SPOPL: variants seen among roughly 807,000 people sequenced by gnomAD.
SPOPL encodes the protein speckle-type POZ protein-like.
SPOPL carries 23 observed loss-of-function variants against 53.8 expected under a neutral mutation model. The ratio of observed to expected loss-of-function variants is 0.43; its 90% CI spans 0.31 to 0.61. SPOPL has a LOEUF of 0.61. Among genes scored for constraint, SPOPL ranks in the 20% least tolerant of loss-of-function variants. The pLI is 0.12. For synonymous variants in SPOPL, 164 were observed against 149.7 expected (o/e 1.10, Z -0.70); for missense variants, 442 against 466.9 (o/e 0.95, Z 0.49).
chr2:138,525,324 G>A (rs1036448566), intron 1 of SPOPL, among the ~76,000 whole-genome samples: 3 of 152,018 alleles, frequency 2.0e-5, no homozygotes, highest in African/African-American at 4.8e-5. Flanking sequence ...GTCTCCCATC[G>A]GGTTCCTCCC....
At chr2:138,551,260 T>C (rs529370861) in intron 4 of SPOPL, among the ~76,000 whole-genome samples, 11 of 152,194 alleles carry the variant, frequency 7.2e-5, no homozygotes, top group Admixed American at 6.5e-4. Flanking sequence ...TAAAAATGAT[T>C]AATAATATTA....
intron 1 of SPOPL, among the ~76,000 whole-genome samples, chr2:138,534,844 A>G (rs1684893791): frequency 6.6e-6 from 1 of 152,228 alleles, no homozygotes; most frequent in Non-Finnish European, 1.5e-5. Context: ...AACAAGTGAA[A>G]TGATACAATG....
chr2:138,550,829 C>CTCTCTT (rs878950747), intron 3 of SPOPL, 74 bp from the exon 4 acceptor site: 7 of 984,828 alleles, frequency 7.1e-6, no homozygotes, highest in Non-Finnish European at 9.3e-6. Context: ...CTCTCTCTTT[C>CTCTCTT]TCTCTCTCTC....
chr2:138,517,585 A>G (rs1463159080), intron 1 of SPOPL, among the ~76,000 whole-genome samples: 3 of 151,926 alleles, frequency 2.0e-5, no homozygotes, highest in Non-Finnish European at 2.9e-5. Context: ...CTACAAATAC[A>G]AAAGATTAGC....
intron 1 of SPOPL, among the ~76,000 whole-genome samples, chr2:138,514,862 T>C (rs918674349): frequency 6.6e-6 from 1 of 152,170 alleles, no homozygotes; most frequent in South Asian, 2.1e-4. Context: ...CTCTGGAACA[T>C]TGGCTTGATA....
rs559195571 is a variant in SPOPL, at chr2:138,570,683, A to G, written c.*1603A>G. On this transcript the variant is annotated 3_prime_UTR_variant, in exon 11 of 11. Transcript: ENST00000280098. Reference sequence around the variant, plus strand: ...AGATTAAAATTTGTATAATTTGTTTATTTAATGTTTGAATTCAGGACAAAA... The same window carrying G: ...AGATTAAAATTTGTATAATTTGTTTGTTTAATGTTTGAATTCAGGACAAAA... 2 of 152,308 alleles carry G rather than the reference A, an allele frequency of 1.3e-5. No homozygotes were observed. The highest frequency in any genetic ancestry group is 4.8e-5 in the African/African-American group (2 of 41,580). 9.4% of individuals were successfully genotyped at this position (152,308 alleles called of 1,614,324 possible).
chr2:138,567,980 G>C (rs556591733), intron 10 of SPOPL, among the ~76,000 whole-genome samples: 1 of 152,158 alleles, frequency 6.6e-6, no homozygotes, highest in African/African-American at 2.4e-5. Flanking sequence ...GATCATGGAA[G>C]TGGGAGGTAG....
At chr2:138,542,899 C>T (rs1685106179) in intron 1 of SPOPL, among the ~76,000 whole-genome samples, 1 of 152,110 alleles carries the variant, frequency 6.6e-6, no homozygotes, top group South Asian at 2.1e-4. Flanking sequence ...ATGTTTAGCG[C>T]TTCCTTCAGG....
rs62161730 is a variant in SPOPL at position 138,502,815 on chromosome 2, A to T, written c.-61+696A>T. Among the ~76,000 whole-genome samples, 527 of 152,304 alleles carry T rather than the reference A, an allele frequency of 3.5e-3. 2 individuals are homozygous for T. Among genetic ancestry groups the T allele is most frequent in the Middle Eastern group, 0.01 (3 of 294 alleles). Reference sequence around the variant, plus strand: ...ATTCTTTTTGAGTCAATGTATTTGTATATTGATTCAACATAAAAGAAAAGG... The same window carrying T: ...ATTCTTTTTGAGTCAATGTATTTGTTTATTGATTCAACATAAAAGAAAAGG... On this transcript the variant is annotated intron_variant, in intron 1 of 10. Transcript: ENST00000280098.
At chr2:138,541,663 T>C (rs1685075178) in intron 1 of SPOPL, among the ~76,000 whole-genome samples, 2 of 152,316 alleles carry the variant, frequency 1.3e-5, no homozygotes, top group African/African-American at 4.8e-5. Flanking sequence ...TCTATCAATT[T>C]TGTTGATCTT....
intron 1 of SPOPL, among the ~76,000 whole-genome samples, chr2:138,519,412 A>T (rs1684509595): frequency 2.1e-5 from 3 of 143,748 alleles, no homozygotes; most frequent in Non-Finnish European, 3.0e-5. Context: ...TCAATTTCTG[A>T]TTTGTTGGGC....
At chr2:138,523,120 C>T (rs772504319) in intron 1 of SPOPL, among the ~76,000 whole-genome samples, 12 of 152,114 alleles carry the variant, frequency 7.9e-5, no homozygotes, top group Admixed American at 3.3e-4. Context: ...TACCTGAGAC[C>T]GGGCAGTTTA....
chr2:138,532,261 C>T (rs1233466705), intron 1 of SPOPL, among the ~76,000 whole-genome samples: 1 of 152,146 alleles, frequency 6.6e-6, no homozygotes, highest in Non-Finnish European at 1.5e-5. Flanking sequence ...CGCCGTAAGG[C>T]CAACAGAATC....
At chr2:138,531,026 A>G (rs941931318) in intron 1 of SPOPL, among the ~76,000 whole-genome samples, 8 of 151,858 alleles carry the variant, frequency 5.3e-5, no homozygotes, top group African/African-American at 1.9e-4. Flanking sequence ...ACTGAATTTT[A>G]TCAAATGCTT....
rs61206995 is a variant in SPOPL, at chr2:138,572,947, C to A, written c.*3867C>A. 5.1e-3 allele frequency: 774 copies of A among 152,436 alleles called. 8 individuals carry two copies. The highest frequency in any genetic ancestry group is 0.017 in the African/African-American group (707 of 41,518). The allele number at this position is 152,436 out of a possible 1,614,324, so 9.4% of individuals were successfully genotyped here. ...TGTTGTCAGAGTTTATCATTGTATA[C>A]TGTAACCCAGTAAATTTTGCATTCA... On this transcript the variant is annotated 3_prime_UTR_variant, in exon 11 of 11. Coordinates refer to ENST00000280098, the MANE Select transcript of SPOPL (RefSeq NM_001001664.3).
chr2:138,527,458 A>G (rs980296240), intron 1 of SPOPL, among the ~76,000 whole-genome samples: 1 of 152,066 alleles, frequency 6.6e-6, no homozygotes, highest in Non-Finnish European at 1.5e-5. Context: ...TTTTCTATTA[A>G]TGCATCAGTT....
intron 3 of SPOPL, 133 bp from the exon 4 acceptor site, chr2:138,550,767 ATGT>A: frequency 1.4e-6 from 2 of 1,392,608 alleles, no homozygotes; most frequent in African/African-American, 2.9e-5. Context: ...AACTGTGAGG[ATGT>A]TGACAGGAGT....
chr2:138,559,945 A>G (rs1356668866), intron 7 of SPOPL, among the ~76,000 whole-genome samples: 1 of 152,168 alleles, frequency 6.6e-6, no homozygotes, highest in Non-Finnish European at 1.5e-5. Context: ...TAGATGCTGC[A>G]ATAAAATAAC....
chr2:138,529,550 G>A (rs73959462), intron 1 of SPOPL, among the ~76,000 whole-genome samples: 2,869 of 151,506 alleles, frequency 0.019, 92 homozygotes, highest in African/African-American at 0.065. Context: ...GTGCGCGCGC[G>A]CTTCTGCATT....
Sources: allele counts gnomAD v4.1 joint callset (sites outside exome capture counted in the v4.1 genomes callset), GRCh38; gene constraint gnomAD v4.1.1; transcripts MANE v1.5; gene names NCBI Gene and HGNC (gene_info 2026-07-23, HGNC 2026-07-21).